The following STAT5A variants were observed in gnomAD, a reference collection of about 807,000 sequenced individuals.
STAT5A encodes signal transducer and activator of transcription 5A.
In STAT5A, 26 loss-of-function variants were observed where a neutral mutation model predicts 100.2. The ratio of observed to expected loss-of-function variants is 0.26; its 90% CI spans 0.19 to 0.36. The LOEUF is 0.36. STAT5A is among the 10% of genes least tolerant of loss of function. The pLI is 1.00. For synonymous variants in STAT5A, 330 were observed against 424.3 expected (o/e 0.78, Z 2.73); for missense variants, 634 against 1,027.5 (o/e 0.62, Z 5.24).
At chr17:42,293,964 C>T (rs1339795621) in intron 4 of STAT5A, among the ~76,000 whole-genome samples, 1 of 152,072 alleles carries the variant, frequency 6.6e-6, no homozygotes, top group African/African-American at 2.4e-5. Context: ...TCTGTAATCC[C>T]AGCACTTTGG....
chr17:42,298,731 C>T (rs1234793666), intron 5 of STAT5A, among the ~76,000 whole-genome samples: 2 of 152,152 alleles, frequency 1.3e-5, no homozygotes, highest in Non-Finnish European at 2.9e-5. Flanking sequence ...TCGTGATCTG[C>T]CCGCCTCAGT....
chr17:42,300,975 C>T (rs1441155441), intron 8 of STAT5A, 105 bp downstream of exon 8: 3 of 1,571,358 alleles, frequency 1.9e-6, no homozygotes, highest in Non-Finnish European at 2.6e-6. Flanking sequence ...TCCTGCCTCT[C>T]ATCCCTCCCA....
chr17:42,294,929 G>A (rs1203765624), intron 4 of STAT5A, among the ~76,000 whole-genome samples: 2 of 148,958 alleles, frequency 1.3e-5, no homozygotes, highest in East Asian at 3.9e-4. Context: ...ACGGAGTCTC[G>A]CTGTGTTGCC....
intron 5 of STAT5A, among the ~76,000 whole-genome samples, chr17:42,298,765 G>A (rs1351865806): frequency 6.6e-6 from 1 of 152,222 alleles, no homozygotes; most frequent in Admixed American, 6.5e-5. Flanking sequence ...GGGATTACAG[G>A]CGTGAGCCAC....
At chr17:42,288,337 C>G (rs2080833124), upstream of STAT5A, 1 of 152,196 alleles carries the variant, frequency 6.6e-6, no homozygotes, top group Non-Finnish European at 1.5e-5. This position sits in a 1 kb window ranked among gnomAD's most constrained non-coding sequence, Gnocchi z 4.8. Context: ...GGAACGGCCG[C>G]CGCTGTTGCG....
rs2081059808 is a variant in STAT5A, at chr17:42,309,478, C to G, written c.2216C>G (p.Pro739Arg). 6 of 1,613,808 alleles carry G rather than the reference C, an allele frequency of 3.7e-6. No homozygotes were observed. The highest frequency in any genetic ancestry group is 1.3e-5 in the African/African-American group (1 of 74,934). ...VCPQAPYNMYPQNPDHVLDQD... is the reference protein window; with the variant it reads ...VCPQAPYNMYRQNPDHVLDQD... ...CCCCAGGCTCCCTATAACATGTACC[C>G]ACAGAAGTAGGTGGTGTTCTCATGG... The change falls in exon 18 of 19, where the codon CCA becomes CGA. Residue 739 changes from proline to arginine, a missense_variant. Physicochemically the swap from Pro to Arg is moderately radical, Grantham distance 103. This residue lies in a region of STAT5A where 88 missense variants were observed against 95.1 expected (regional missense o/e 0.92). Coordinates refer to ENST00000590949, the MANE Select transcript of STAT5A (RefSeq NM_001288718.2).
Position 42,306,284 on chromosome 17 carries a change from A to G in STAT5A, c.1517A>G (p.Gln506Arg). ...FAVPDKVLWP[Q>R]LCEALNMKFK... ...GTGCCTGACAAAGTGCTGTGGCCGC[A>G]GCTGTGTGAGGCGCTCAACATGAAA... Residue 506 changes from glutamine to arginine, a missense_variant, in exon 13 of 19, where the codon CAG becomes CGG. Physicochemically the swap from Gln to Arg is conservative, Grantham distance 43 (BLOSUM62 1). Coordinates refer to ENST00000590949, the MANE Select transcript of STAT5A (RefSeq NM_001288718.2). The G allele has an allele frequency of 6.2e-7, 1 of 1,614,072 alleles. No individual in the cohort carries two copies. Among genetic ancestry groups the G allele is most frequent in the Non-Finnish European group, 8.5e-7 (1 of 1,179,926 alleles).
intron 9 of STAT5A, among the ~76,000 whole-genome samples, chr17:42,302,470 G>T (rs1257233246): frequency 6.6e-6 from 1 of 152,180 alleles, no homozygotes; most frequent in Admixed American, 6.5e-5. Context: ...TTCAGGCAGA[G>T]CCCATGTGCC....
rs1332498200 is a variant in STAT5A at position 42,289,965 on chromosome 17, G to C, written c.228G>C (p.Val76=). The change falls in exon 3 of 19, where the codon GTG becomes GTC. Residue 76 remains valine (V), a synonymous_variant. Coordinates refer to ENST00000590949, the MANE Select transcript of STAT5A (RefSeq NM_001288718.2). ...TGCAGAAGAAGGCGGAGCACCAGGTGGGGGAAGATGGGTTTTTACTGAAGA... is the reference window on the plus strand; with the variant it reads ...TGCAGAAGAAGGCGGAGCACCAGGTCGGGGAAGATGGGTTTTTACTGAAGA... ...QELQKKAEHQ[V]GEDGFLLKIK... 1 of 1,612,086 alleles carries C rather than the reference G, an allele frequency of 6.2e-7. No homozygotes were observed. The highest frequency in any genetic ancestry group is 8.5e-7 in the Non-Finnish European group (1 of 1,179,372).
In STAT5A at chr17:42,288,502, A is replaced by G. The variant is rs558626962; in HGVS notation, c.-107A>G. ...CTGCTCTCCGCTCCTTCCTGTAGTAACAGCCGCCGCTGCCGCCGCCGCCAG... is the reference window on the plus strand; with the variant it reads ...CTGCTCTCCGCTCCTTCCTGTAGTAGCAGCCGCCGCTGCCGCCGCCGCCAG... On this transcript the variant is annotated 5_prime_UTR_variant, in exon 1 of 19. Transcript: ENST00000590949. The surrounding 1 kb of genome is among the most constrained non-coding windows in gnomAD (Gnocchi z 4.8). 2.6e-5 allele frequency: 4 copies of G among 153,534 alleles called. No homozygotes were observed. The South Asian group carries it at 7.4e-4, about 28-fold the overall frequency. 9.5% of individuals were successfully genotyped at this position (153,534 alleles called of 1,614,324 possible).
At chr17:42,302,000 C>T (rs1364417356) in intron 9 of STAT5A, among the ~76,000 whole-genome samples, 1 of 152,140 alleles carries the variant, frequency 6.6e-6, no homozygotes, top group Non-Finnish European at 1.5e-5. Flanking sequence ...CTCATCGCTA[C>T]AAAAAGTTTT....
intron 9 of STAT5A, 101 bp downstream of exon 9, chr17:42,301,555 C>T (rs961725442): frequency 5.3e-6 from 8 of 1,510,350 alleles, no homozygotes; most frequent in Non-Finnish European, 7.2e-6. Flanking sequence ...CCTAGTTCAC[C>T]GTGTTGCCCA....
Position 42,292,078 on chromosome 17 carries a change from G to C in STAT5A, c.375+17G>C. 2 of 1,613,388 alleles carry C rather than the reference G, an allele frequency of 1.2e-6. No individual in the cohort carries two copies. The highest frequency in any genetic ancestry group is 1.7e-6 in the Non-Finnish European group (2 of 1,179,524). On this transcript the variant is annotated intron_variant, in intron 4 of 18. Transcript: ENST00000590949. ...GCCAACAATGTGAGTGTCCCTTGGG[G>C]ATGGGGAGGAGTGTTGAGAAGTCCC...
At chr17:42,305,804 C>A in intron 12 of STAT5A, 102 bp downstream of exon 12, 1 of 1,245,978 alleles carries the variant, frequency 8.0e-7, no homozygotes. Flanking sequence ...CTTCCTCACC[C>A]CAGGGCCAGC....
intron 3 of STAT5A, among the ~76,000 whole-genome samples, chr17:42,291,546 G>A (rs562016691): frequency 2.6e-5 from 4 of 152,088 alleles, no homozygotes; most frequent in South Asian, 4.2e-4. Flanking sequence ...GAGAAACCCC[G>A]CCTCTACTAA....
chr17:42,297,832 T>C (rs909598002), intron 5 of STAT5A, among the ~76,000 whole-genome samples: 5 of 151,974 alleles, frequency 3.3e-5, no homozygotes, highest in Admixed American at 3.3e-4. Flanking sequence ...CCTGGCTACA[T>C]AGAGTTGCTT....
upstream of STAT5A, chr17:42,287,738 G>A (rs1392811363): frequency 6.6e-6 from 1 of 152,266 alleles, no homozygotes; most frequent in African/African-American, 2.4e-5. Flanking sequence ...GTGTGGCCCT[G>A]GGTGGCCCCG....
chr17:42,291,581 T>C (rs1190797206), intron 3 of STAT5A, among the ~76,000 whole-genome samples: 3 of 152,130 alleles, frequency 2.0e-5, no homozygotes, highest in Non-Finnish European at 4.4e-5. Context: ...CCGAGCGTGA[T>C]GGCACATGCC....
chr17:42,307,343 T>C lies in STAT5A; in HGVS notation c.1681-59T>C, dbSNP rs113874877. 30 of 1,574,184 alleles carry C rather than the reference T, an allele frequency of 1.9e-5. 2 individuals carry two copies. Among genetic ancestry groups the C allele is most frequent in the Middle Eastern group, 1.8e-4 (1 of 5,584 alleles). ...GGTGGGGGCAGGAGGGCCCTGACTT[T>C]CCTGGGCCACCTGTGACCTGGGGCA... On this transcript the variant is annotated intron_variant, in intron 13 of 18. Transcript: ENST00000590949.
Sources: gnomAD v4.1 joint callset for allele counts (sites outside exome capture counted in the v4.1 genomes callset) on GRCh38, gnomAD v4.1.1 for gene constraint, gnomAD v4.1.1 regional missense constraint, Gnocchi (gnomAD v3.1) non-coding constraint, MANE v1.5 for transcripts, NCBI Gene and HGNC (gene_info 2026-07-23, HGNC 2026-07-21) for gene names.